Variants in STPG2 observed in about 807,000 individuals in gnomAD.
The protein encoded by STPG2 is sperm-tail PG-rich repeat-containing protein 2.
In STPG2, 56 loss-of-function variants were observed where a neutral mutation model predicts 54.2. The ratio of observed to expected loss-of-function variants is 1.03; its 90% CI spans 0.83 to 1.29. The LOEUF (loss-of-function observed/expected upper bound fraction) is 1.29, where lower values mean the gene tolerates loss of function less well. Ranked by LOEUF, STPG2 falls within the 50% of genes most tolerant of loss-of-function variation. The probability of loss-of-function intolerance (pLI) is 0.00; values close to 1 mark genes in which losing one functional copy is unlikely to be tolerated. For synonymous variants in STPG2, 200 were observed against 181.8 expected, an observed-to-expected ratio of 1.10 and a Z score of -0.81; for missense variants, 596 against 544.9, an observed-to-expected ratio of 1.09 and a Z score of -0.93.
chr4:97,486,494 A>G (rs886852066), intron 4 of STPG2, among the ~76,000 whole-genome samples: 3 of 151,816 alleles, frequency 2.0e-5, no homozygotes, highest in African/African-American at 7.2e-5. Flanking sequence ...AAGAATGACC[A>G]TAATCAAAAA....
At chr4:97,599,678 C>G (rs943439311) in intron 10 of STPG2, among the ~76,000 whole-genome samples, 7 of 151,454 alleles carry the variant, frequency 4.6e-5, no homozygotes, top group Admixed American at 3.9e-4. Context: ...CAAAAAATTA[C>G]CAGGGCGTGG....
At chr4:97,734,158 T>A (rs1724896183) in intron 9 of STPG2, among the ~76,000 whole-genome samples, 1 of 152,212 alleles carries the variant, frequency 6.6e-6, no homozygotes, top group African/African-American at 2.4e-5. Context: ...TATATGGCCT[T>A]TACTGTATTA....
intron 9 of STPG2, among the ~76,000 whole-genome samples, chr4:97,783,416 C>T (rs1726717137): frequency 6.6e-6 from 1 of 152,120 alleles, no homozygotes; most frequent in Non-Finnish European, 1.5e-5. Flanking sequence ...ATTAAAAAGT[C>T]AGGAAACAAT....
At chr4:97,441,314 A>T (rs1375180871) in intron 4 of STPG2, 2 of 152,026 alleles carry the variant, frequency 1.3e-5, no homozygotes, top group Non-Finnish European at 2.9e-5. Context: ...CACGCTTAGA[A>T]AGAATGCAAT....
chr4:98,028,030 A>C lies in STPG2; in HGVS notation c.613-46712T>G, dbSNP rs953363344. ...GGTCTTTCCTAGATAATGCAGGTCTATTTTTGGCCTCTTCAGAGATGGCTG... is the reference window on the plus strand; with the variant it reads ...GGTCTTTCCTAGATAATGCAGGTCTCTTTTTGGCCTCTTCAGAGATGGCTG... On this transcript the variant is annotated intron_variant, in intron 5 of 10. Transcript: ENST00000295268. Among the ~76,000 whole-genome samples, 3 of 152,138 alleles carry C rather than the reference A, an allele frequency of 2.0e-5. No homozygotes were observed. In the East Asian group the frequency reaches 5.8e-4, roughly 29 times the overall value.
Position 98,069,299 on chromosome 4 carries a change from C to T in STPG2, c.612+36654G>A, listed in dbSNP as rs1327184611. Among the ~76,000 whole-genome samples, 4 of 151,650 alleles carry T rather than the reference C, an allele frequency of 2.6e-5. No individual in the cohort carries two copies. The East Asian group carries it at 7.7e-4, about 29-fold the overall frequency. On this transcript the variant is annotated intron_variant, in intron 5 of 10. Coordinates refer to ENST00000295268, the MANE Select transcript of STPG2 (RefSeq NM_174952.3). ...ATTGTTTTTAAGTTTTTTTAGACATCGAGTAGTAATTATCTTAGAAATGAC... is the reference window on the plus strand; with the variant it reads ...ATTGTTTTTAAGTTTTTTTAGACATTGAGTAGTAATTATCTTAGAAATGAC...
At chr4:97,584,159 A>C (rs1343333969) in intron 10 of STPG2, among the ~76,000 whole-genome samples, 1 of 152,034 alleles carries the variant, frequency 6.6e-6, no homozygotes, top group Non-Finnish European at 1.5e-5. Context: ...AAATTTAAGA[A>C]AATCAAAATT....
intron 9 of STPG2, among the ~76,000 whole-genome samples, chr4:97,791,606 TA>T (rs1726993287): frequency 6.6e-6 from 1 of 152,170 alleles, no homozygotes; most frequent in Non-Finnish European, 1.5e-5. Context: ...ATAGCAGTGT[TA>T]TTTTTTTCTC....
intron 10 of STPG2, among the ~76,000 whole-genome samples, chr4:97,706,336 G>A (rs1475659011): frequency 1.3e-5 from 2 of 152,092 alleles, no homozygotes; most frequent in African/African-American, 4.8e-5. Context: ...GTAACCCCTA[G>A]TGTGATAGTA....
At chr4:98,130,498 A>G (rs1739956914) in intron 2 of STPG2, among the ~76,000 whole-genome samples, 2 of 152,064 alleles carry the variant, frequency 1.3e-5, no homozygotes, top group South Asian at 4.2e-4. Flanking sequence ...TTTATTTTTT[A>G]TCAAATTAAA....
intron 5 of STPG2, among the ~76,000 whole-genome samples, chr4:98,046,142 A>G (rs984927043): frequency 9.7e-6 from 1 of 103,122 alleles, no homozygotes; most frequent in Non-Finnish European, 2.1e-5. Context: ...CTAGTCTGCT[A>G]TTGAACATCT....
intron 10 of STPG2, among the ~76,000 whole-genome samples, chr4:97,647,104 A>G (rs958467477): frequency 6.6e-6 from 1 of 152,150 alleles, no homozygotes; most frequent in Non-Finnish European, 1.5e-5. Flanking sequence ...ACATAACAAT[A>G]ATAAATCTGA....
At chr4:97,909,167 T>C (rs1731579754) in intron 8 of STPG2, among the ~76,000 whole-genome samples, 1 of 151,470 alleles carries the variant, frequency 6.6e-6, no homozygotes. Flanking sequence ...ATCAGGAATT[T>C]TAAGAAGCAA....
At chr4:97,916,288 G>A (rs1731872719) in intron 8 of STPG2, 1 of 152,616 alleles carries the variant, frequency 6.6e-6, no homozygotes, top group Non-Finnish European at 1.5e-5. Context: ...GGGAAATCAG[G>A]TTTTGGGGAA....
At chr4:97,573,332 C>T (rs564083686) in intron 10 of STPG2, among the ~76,000 whole-genome samples, 1 of 151,892 alleles carries the variant, frequency 6.6e-6, no homozygotes, top group Non-Finnish European at 1.5e-5. Context: ...CTCTACAACT[C>T]AATAGCATAT....
chr4:97,596,815 G>C (rs761731447), intron 10 of STPG2, among the ~76,000 whole-genome samples: 1 of 151,892 alleles, frequency 6.6e-6, no homozygotes, highest in Non-Finnish European at 1.5e-5. Context: ...CAAAAAGTGA[G>C]AAAAATCTAA....
At chr4:98,138,143 T>C (rs951278829) in intron 1 of STPG2, among the ~76,000 whole-genome samples, 2 of 151,980 alleles carry the variant, frequency 1.3e-5, no homozygotes, top group Non-Finnish European at 2.9e-5. Flanking sequence ...AGTACAATAA[T>C]GAATAAGATA....
chr4:97,995,188 A>G (rs1464961598), intron 5 of STPG2, among the ~76,000 whole-genome samples: 1 of 50,058 alleles, frequency 2.0e-5, no homozygotes, highest in Non-Finnish European at 3.8e-5. Context: ...ACCCCCTGCA[A>G]TAGCACTGAG....
chr4:97,455,047 A>G (rs1729480867), intron 4 of STPG2, among the ~76,000 whole-genome samples: 2 of 152,164 alleles, frequency 1.3e-5, no homozygotes. Flanking sequence ...AAAGAAACAA[A>G]CAGATTGATA....
Sources: gnomAD v4.1 joint callset for allele counts (sites outside exome capture counted in the v4.1 genomes callset) on GRCh38, gnomAD v4.1.1 for gene constraint, MANE v1.5 for transcripts, NCBI Gene and HGNC (gene_info 2026-07-23, HGNC 2026-07-21) for gene names.